Variants in ZNF716 observed in about 807,000 individuals in gnomAD.
ZNF716 encodes the protein zinc finger protein 716.
A neutral mutation model predicts 13.4 loss-of-function variants in ZNF716; 9 were observed. The ratio of observed to expected loss-of-function variants is 0.67; its 90% CI spans 0.41 to 1.18. The LOEUF (loss-of-function observed/expected upper bound fraction) is 1.18. ZNF716 is among the 50% of genes most tolerant of loss of function. The probability of loss-of-function intolerance (pLI) is 0.01; values close to 1 mark genes in which losing one functional copy is unlikely to be tolerated. For missense variants in ZNF716, 581 were observed against 576.6 expected (o/e 1.01, Z -0.08); for synonymous variants, 186 against 195.2 (o/e 0.95, Z 0.39).
chr7:57,464,392 A>G (rs114052037), intron 3 of ZNF716, among the ~76,000 whole-genome samples: 284 of 152,122 alleles, frequency 1.9e-3, no homozygotes, highest in African/African-American at 6.6e-3. Context: ...AAGTTCTGGG[A>G]TTAAAAGCGT....
Position 57,469,134 on chromosome 7 carries a change from T to C in ZNF716, c.673T>C (p.Ser225Pro), listed in dbSNP as rs1554324656. ...AGAATGTGGCAAATCCTTTAACTGCTCTTCAACCCTTACTAGACATAAAAG... is the reference window on the plus strand; with the variant it reads ...AGAATGTGGCAAATCCTTTAACTGCCCTTCAACCCTTACTAGACATAAAAG... Reference protein sequence around the residue: ...CEECGKSFNCSSTLTRHKRIH... With the variant: ...CEECGKSFNCPSTLTRHKRIH... Residue 225 changes from serine (S) to proline (P), a missense_variant, in exon 4 of 4, where the codon TCT becomes CCT. Ser to Pro is a moderately conservative substitution (Grantham distance 74). Coordinates refer to ENST00000420713, the MANE Select transcript of ZNF716 (RefSeq NM_001159279.1). 1 of 1,610,378 alleles carries C rather than the reference T, an allele frequency of 6.2e-7. No individual in the cohort carries two copies. Among genetic ancestry groups the C allele is most frequent in the South Asian group, 1.1e-5 (1 of 90,782 alleles).
chr7:57,453,546 G>C (rs564591390), intron 1 of ZNF716, among the ~76,000 whole-genome samples: 7 of 152,270 alleles, frequency 4.6e-5, no homozygotes, highest in South Asian at 2.1e-4. Context: ...GTATTCTATT[G>C]GTTAAAAATT....
At chr7:57,466,875 A>G (rs1554324228) in intron 3 of ZNF716, among the ~76,000 whole-genome samples, 4 of 152,064 alleles carry the variant, frequency 2.6e-5, no homozygotes, top group African/African-American at 9.7e-5. Flanking sequence ...TTTGCTGTAT[A>G]TAAATATATA....
intron 1 of ZNF716, 73 bp downstream of exon 1, chr7:57,450,400 G>A: frequency 3.7e-6 from 6 of 1,612,688 alleles, no homozygotes; most frequent in Non-Finnish European, 5.1e-6. Context: ...GCTGTAGCAG[G>A]ACCCAAACTT....
At chr7:57,461,227 A>G (rs1789704015) in intron 1 of ZNF716, among the ~76,000 whole-genome samples, 1 of 152,154 alleles carries the variant, frequency 6.6e-6, no homozygotes, top group South Asian at 2.1e-4. Context: ...CAGTAAGCCA[A>G]GATAGCACCA....
intron 1 of ZNF716, among the ~76,000 whole-genome samples, chr7:57,455,071 A>G (rs1331240711): frequency 2.6e-5 from 4 of 152,086 alleles, no homozygotes; most frequent in East Asian, 3.9e-4. Context: ...AAAAGTGTCA[A>G]CTGTAAGATT....
chr7:57,473,279 G>A lies in ZNF716; in HGVS notation c.*3330G>A, dbSNP rs550563768. ...AGCACAGTGGCTCCCAGCATTTTGG[G>A]AGCCTGAGGTGGGAGGATCATTTGA... is the stretch of plus-strand genomic sequence containing the variant. On this transcript the variant is annotated 3_prime_UTR_variant, in exon 4 of 4. Coordinates refer to ENST00000420713, the MANE Select transcript of ZNF716 (RefSeq NM_001159279.1). 1 of 152,208 alleles carries A rather than the reference G, an allele frequency of 6.6e-6. No individual in the cohort carries two copies. The highest frequency in any genetic ancestry group is 1.9e-4 in the East Asian group (1 of 5,166). The allele number at this position is 152,208 out of a possible 1,614,324, so 9.4% of individuals were successfully genotyped here. A position where few individuals can be genotyped will look rare whatever the true frequency, so the allele number is the denominator to read the frequency against.
chr7:57,455,092 T>G (rs537738309), intron 1 of ZNF716, among the ~76,000 whole-genome samples: 1 of 152,042 alleles, frequency 6.6e-6, no homozygotes, highest in Admixed American at 6.6e-5. Context: ...TTTCAGGGTA[T>G]CAATGTATAG....
In ZNF716 at chr7:57,462,343, ACTT is replaced by A. The variant is rs1789721592; in HGVS notation, c.40-113_40-111del. On this transcript the variant is annotated intron_variant, in intron 1 of 3. Transcript: ENST00000420713. ...TTAGTCACTCTTACAAGTCAGAACC[ACTT>A]CTTTTTACTCTCTTATTTAACATGA... is the stretch of plus-strand genomic sequence containing the variant. 6 of 1,203,460 alleles carry A rather than the reference ACTT, an allele frequency of 5.0e-6. No individual in the cohort carries two copies. The Admixed American group carries it at 1.3e-4, about 25-fold the overall frequency. The allele number at this position is 1,203,460 out of a possible 1,614,324, so 74.5% of individuals were successfully genotyped here.
intron 2 of ZNF716, 133 bp downstream of exon 2, chr7:57,462,719 T>C: frequency 9.1e-7 from 1 of 1,099,754 alleles, no homozygotes; most frequent in Non-Finnish European, 1.3e-6. Context: ...GATTCATTGG[T>C]ATATAGCAAA....
chr7:57,464,318 G>A lies in ZNF716; in HGVS notation c.262+1150G>A, dbSNP rs533068267. 1.2e-4 allele frequency among the ~76,000 whole-genome samples: 18 copies of A among 151,698 alleles called. No homozygotes were observed. In the South Asian group the frequency reaches 1.5e-3, roughly 12 times the overall value. On this transcript the variant is annotated intron_variant, in intron 3 of 3. Transcript: ENST00000420713. ...GTATTTTTTGTAGAGATGGAGTTTC[G>A]CCATGTTGTTCAGGCTGGTCTTGAA...
rs782780916 is a variant in ZNF716, at chr7:57,470,267, C to T, written c.*318C>T. 15 of 188,806 alleles carry T rather than the reference C, an allele frequency of 7.9e-5. No homozygotes were observed. Among genetic ancestry groups the T allele is most frequent in the Admixed American group, 1.6e-4 (3 of 18,376 alleles). 11.7% of individuals were successfully genotyped at this position (188,806 alleles called of 1,614,324 possible). On this transcript the variant is annotated 3_prime_UTR_variant, in exon 4 of 4. Coordinates refer to ENST00000420713, the MANE Select transcript of ZNF716 (RefSeq NM_001159279.1). ...GCAACCTCTGCCTCCTGGGTTCAAG[C>T]GATTCTCCTGCCTCAGCCTCCTGAG...
At chr7:57,458,612 G>A (rs1210225830) in intron 1 of ZNF716, among the ~76,000 whole-genome samples, 1 of 152,010 alleles carries the variant, frequency 6.6e-6, no homozygotes. Context: ...TAGTACAGAC[G>A]GGGTTTCACC....
chr7:57,453,104 G>GA (rs34333663), intron 1 of ZNF716, among the ~76,000 whole-genome samples: 1 of 152,044 alleles, frequency 6.6e-6, no homozygotes, highest in Non-Finnish European at 1.5e-5. Context: ...GGTATTGAGA[G>GA]AAAAACACAG....
chr7:57,458,403 T>C lies in ZNF716; in HGVS notation c.40-4057T>C, dbSNP rs569298113. Among the ~76,000 whole-genome samples the C allele has an allele frequency of 3.0e-4, 45 of 152,308 alleles. 2 individuals carry two copies. Among genetic ancestry groups the C allele is most frequent in the African/African-American group, 1.0e-3 (43 of 41,584 alleles). ...TCACCAGAATCAACTTCTGGTTTTG[T>C]TGAACTTTTTTTTTCTTTCTTTTCT... is the stretch of plus-strand genomic sequence containing the variant. On this transcript the variant is annotated intron_variant, in intron 1 of 3. Transcript: ENST00000420713.
intron 3 of ZNF716, among the ~76,000 whole-genome samples, chr7:57,464,583 A>C (rs191408749): frequency 6.6e-6 from 1 of 152,220 alleles, no homozygotes; most frequent in Admixed American, 6.5e-5. Flanking sequence ...TGATTGCAGA[A>C]AGTTTGAAAT....
rs1789983002 is a variant in ZNF716, at chr7:57,473,388, T to G, written c.*3439T>G. On this transcript the variant is annotated 3_prime_UTR_variant, in exon 4 of 4. Coordinates refer to ENST00000420713, the MANE Select transcript of ZNF716 (RefSeq NM_001159279.1). ...ACAAAAAATTAGCTGGGCATGGTGG[T>G]GCATGCCCATGGTCCCAGTTACTCA... The G allele has an allele frequency of 6.6e-6, 1 of 151,972 alleles. No individual in the cohort carries two copies. 9.4% of individuals were successfully genotyped at this position (151,972 alleles called of 1,614,324 possible).
At chr7:57,463,939 T>TA (rs1252667826) in intron 3 of ZNF716, among the ~76,000 whole-genome samples, 3 of 152,036 alleles carry the variant, frequency 2.0e-5, no homozygotes, top group Non-Finnish European at 4.4e-5. Context: ...TTTGTGTTTT[T>TA]AAAAAATTTA....
rs1325509619 is a variant in ZNF716 at position 57,473,301 on chromosome 7, T to A, written c.*3352T>A. 2 of 151,996 alleles carry A rather than the reference T, an allele frequency of 1.3e-5. No individual in the cohort carries two copies. The highest frequency in any genetic ancestry group is 1.5e-5 in the Non-Finnish European group (1 of 68,014). The allele number at this position is 151,996 out of a possible 1,614,324, so 9.4% of individuals were successfully genotyped here. A position where few individuals can be genotyped will look rare whatever the true frequency, so the allele number is the denominator to read the frequency against. On this transcript the variant is annotated 3_prime_UTR_variant, in exon 4 of 4. Transcript: ENST00000420713. ...TGGGAGCCTGAGGTGGGAGGATCATTTGAGGTTAGGAGTTCAAGACCAGCC... is the reference window on the plus strand; with the variant it reads ...TGGGAGCCTGAGGTGGGAGGATCATATGAGGTTAGGAGTTCAAGACCAGCC...
Sources: allele counts gnomAD v4.1 joint callset (sites outside exome capture counted in the v4.1 genomes callset), GRCh38; gene constraint gnomAD v4.1.1; transcripts MANE v1.5; gene names NCBI Gene and HGNC (gene_info 2026-07-23, HGNC 2026-07-21).